Variants in TSNAX observed in about 807,000 individuals in gnomAD.
TSNAX encodes translin-associated protein X.
A neutral mutation model predicts 33.0 loss-of-function variants in TSNAX; 12 were observed. That is an observed-to-expected ratio of 0.36 (90% CI 0.23 to 0.59). The LOEUF (loss-of-function observed/expected upper bound fraction) is 0.59. TSNAX is among the 20% of genes least tolerant of loss of function. The pLI is 0.74. For synonymous variants in TSNAX, 110 were observed against 117.2 expected (o/e 0.94, Z 0.40); for missense variants, 267 against 341.3 (o/e 0.78, Z 1.72).
intron 3 of TSNAX, 138 bp downstream of exon 3, chr1:231,537,465 G>T: frequency 1.8e-6 from 1 of 545,270 alleles, no homozygotes; most frequent in Non-Finnish European, 3.1e-6. Flanking sequence ...TCTCAGCTGG[G>T]TGTGGTGGCG....
At chr1:231,538,747 A>G (rs916775359) in intron 3 of TSNAX, among the ~76,000 whole-genome samples, 1 of 152,136 alleles carries the variant, frequency 6.6e-6, no homozygotes, top group African/African-American at 2.4e-5. Flanking sequence ...TATGGGCAAC[A>G]TGGCAAAACC....
intron 3 of TSNAX, among the ~76,000 whole-genome samples, chr1:231,539,630 A>G (rs921006007): frequency 6.6e-6 from 1 of 152,220 alleles, no homozygotes; most frequent in Admixed American, 6.5e-5. Flanking sequence ...AAACTTAGAA[A>G]ATGGTAGTCT....
chr1:231,536,072 A>G (rs1572104108), intron 2 of TSNAX: 1 of 152,028 alleles, frequency 6.6e-6, no homozygotes, highest in East Asian at 1.9e-4. Context: ...GACTAACTCA[A>G]TTTTCAGCTG....
chr1:231,538,176 A>G (rs1263764529), intron 3 of TSNAX, among the ~76,000 whole-genome samples: 2 of 151,868 alleles, frequency 1.3e-5, no homozygotes, highest in Non-Finnish European at 2.9e-5. Context: ...GGACTTTACT[A>G]TTTTATTTTT....
At chr1:231,560,745 A>T (rs1369692828) in intron 4 of TSNAX, among the ~76,000 whole-genome samples, 2 of 150,762 alleles carry the variant, frequency 1.3e-5, no homozygotes, top group Non-Finnish European at 2.9e-5. Context: ...AATCCTAATT[A>T]CTTAAACTCT....
Position 231,533,492 on chromosome 1 carries a change from C to T in TSNAX, c.122-3721C>T, listed in dbSNP as rs1004273795. Among the ~76,000 whole-genome samples, 3 of 152,096 alleles carry T rather than the reference C, an allele frequency of 2.0e-5. No individual in the cohort carries two copies. In the East Asian group the frequency reaches 5.8e-4, roughly 29 times the overall value. On this transcript the variant is annotated intron_variant, in intron 2 of 5. Transcript: ENST00000366639. ...ACTCAAACCCAGGATCTTTAATGTC[C>T]GAGCAACCACTTTGCTATCAAAGTT...
intron 4 of TSNAX, among the ~76,000 whole-genome samples, chr1:231,551,991 CTT>C (rs938614921): frequency 6.6e-6 from 1 of 151,438 alleles, no homozygotes; most frequent in African/African-American, 2.4e-5. Flanking sequence ...GATCATGTCT[CTT>C]TTTAAAAAAA....
chr1:231,550,187 T>G (rs1339384083), intron 4 of TSNAX, among the ~76,000 whole-genome samples: 2 of 152,232 alleles, frequency 1.3e-5, no homozygotes, highest in African/African-American at 2.4e-5. Flanking sequence ...AGGTTAGGGC[T>G]TCAACATATA....
chr1:231,560,738 C>T (rs1382448502), intron 4 of TSNAX, among the ~76,000 whole-genome samples: 1 of 151,864 alleles, frequency 6.6e-6, no homozygotes, highest in East Asian at 1.9e-4. Context: ...TTTCTTAAAT[C>T]CTAATTACTT....
intron 3 of TSNAX, among the ~76,000 whole-genome samples, chr1:231,540,698 G>A (rs759235876): frequency 1.5e-4 from 23 of 152,152 alleles, no homozygotes; most frequent in Non-Finnish European, 2.8e-4. Flanking sequence ...CTGTACACTC[G>A]CTCTATCAGT....
intron 4 of TSNAX, among the ~76,000 whole-genome samples, chr1:231,557,133 T>C (rs1572142369): frequency 6.6e-6 from 1 of 152,110 alleles, no homozygotes; most frequent in Non-Finnish European, 1.5e-5. Flanking sequence ...GTTGGAAGTG[T>C]TGATTTTGAG....
intron 1 of TSNAX, 141 bp downstream of exon 1, chr1:231,528,967 C>G (rs1028699919): frequency 8.9e-7 from 1 of 1,125,026 alleles, no homozygotes. Context: ...TTTCTCTCCC[C>G]GGCCAGATCG....
rs918582052 is a variant in TSNAX at position 231,554,428 on chromosome 1, C to G, written c.368-6700C>G. 5.3e-5 allele frequency among the ~76,000 whole-genome samples: 8 copies of G among 152,122 alleles called. No homozygotes were observed. The South Asian group carries it at 1.5e-3, about 28-fold the overall frequency. ...ATGAGTTGCTATCTTTGGGAGAGGG[C>G]CAAGGAGCAAAGTCGTCTGGGCATT... On this transcript the variant is annotated intron_variant, in intron 4 of 5. Coordinates refer to ENST00000366639, the MANE Select transcript of TSNAX (RefSeq NM_005999.3).
chr1:231,560,793 G>C (rs1223402125), intron 4 of TSNAX, among the ~76,000 whole-genome samples: 2 of 152,134 alleles, frequency 1.3e-5, no homozygotes, highest in East Asian at 3.9e-4. Flanking sequence ...CAGTGGCCCA[G>C]AGATTACAGG....
Position 231,564,776 on chromosome 1 carries a change from A to G in TSNAX, c.744A>G (p.Gln248=), listed in dbSNP as rs760759458. The stretch of plus-strand genomic sequence containing the variant: ...CTAAGAAGCTGTATACCTTGAAACA[A>G]AGTTTGGCCAAAGTGGAGAATGCTT... ...EVSKKLYTLK[Q]SLAKVENACY... Residue 248 remains glutamine (Q), a synonymous_variant, in exon 6 of 6, where the codon CAA becomes CAG. Transcript: ENST00000366639. 6.2e-7 allele frequency: 1 copy of G among 1,614,178 alleles called. No homozygotes were observed. Among genetic ancestry groups the G allele is most frequent in the South Asian group, 1.1e-5 (1 of 91,082 alleles).
At chr1:231,542,022 G>A (rs1383034592) in intron 3 of TSNAX, among the ~76,000 whole-genome samples, 2 of 152,144 alleles carry the variant, frequency 1.3e-5, no homozygotes. Flanking sequence ...TCTCTGTACT[G>A]TCACTTGGAA....
At chr1:231,538,174 CTATTT>C (rs1405739428) in intron 3 of TSNAX, among the ~76,000 whole-genome samples, 13 of 152,068 alleles carry the variant, frequency 8.5e-5, no homozygotes, top group African/African-American at 3.1e-4. Flanking sequence ...TAGGACTTTA[CTATTT>C]TATTTTTCTA....
chr1:231,546,816 G>A (rs1231568477), intron 4 of TSNAX, among the ~76,000 whole-genome samples: 1 of 152,156 alleles, frequency 6.6e-6, no homozygotes, highest in Non-Finnish European at 1.5e-5. Flanking sequence ...GCTGTTACCA[G>A]TACATGATTT....
chr1:231,531,812 G>C (rs1195997898), intron 2 of TSNAX, among the ~76,000 whole-genome samples: 1 of 152,170 alleles, frequency 6.6e-6, no homozygotes, highest in Non-Finnish European at 1.5e-5. Context: ...AGAGAGTTAA[G>C]TGGTTTAAGG....
Sources: allele counts gnomAD v4.1 joint callset (sites outside exome capture counted in the v4.1 genomes callset), GRCh38; gene constraint gnomAD v4.1.1; transcripts MANE v1.5; gene names NCBI Gene and HGNC (gene_info 2026-07-23, HGNC 2026-07-21).